SMG6: variants seen among roughly 807,000 people sequenced by gnomAD.
The protein encoded by SMG6 is SMG6 nonsense mediated mRNA decay factor.
Under a neutral mutation model 142.2 loss-of-function variants are expected in SMG6, and 66 were observed. That is an observed-to-expected ratio of 0.46 (90% confidence interval 0.38 to 0.57). SMG6 has a LOEUF of 0.57. SMG6 is among the 20% of genes least tolerant of loss of function. The pLI, the probability that SMG6 is intolerant of heterozygous loss-of-function variation, is 0.00. For missense variants in SMG6, 1,793 were observed against 1,832.0 expected (o/e 0.98, Z 0.39); for synonymous variants, 779 against 702.4 (o/e 1.11, Z -1.72).
chr17:2,278,750 A>T lies in SMG6; in HGVS notation c.2661+3897T>A, dbSNP rs143419980. On this transcript the variant is annotated intron_variant, in intron 8 of 18. Coordinates refer to ENST00000263073, the MANE Select transcript of SMG6 (RefSeq NM_017575.5). ...ATCATTACACATTCTGTGCACGTAT[A>T]AAAATATCACATGTAGCCCATAAAT... is the stretch of plus-strand genomic sequence containing the variant. Among the ~76,000 whole-genome samples, 531 of 152,298 alleles carry T rather than the reference A, an allele frequency of 3.5e-3. 9 individuals are homozygous for T. The highest frequency in any genetic ancestry group is 0.012 in the East Asian group (62 of 5,188).
chr17:2,253,999 T>C (rs1446656211), intron 8 of SMG6, among the ~76,000 whole-genome samples: 1 of 152,172 alleles, frequency 6.6e-6, no homozygotes, highest in Non-Finnish European at 1.5e-5. Flanking sequence ...GATTTATGAA[T>C]CCCTATGCTG....
chr17:2,100,749 A>G (rs1388389830), intron 13 of SMG6, among the ~76,000 whole-genome samples: 1 of 151,906 alleles, frequency 6.6e-6, no homozygotes, highest in African/African-American at 2.4e-5. Flanking sequence ...GTCTCGCGAT[A>G]TTGAACAGGC....
intron 6 of SMG6, 75 bp downstream of exon 6, chr17:2,292,477 A>C: frequency 7.2e-7 from 1 of 1,390,756 alleles, no homozygotes; most frequent in Non-Finnish European, 1.0e-6. Context: ...AAGCTCCAGG[A>C]ACTGATATTA....
intron 8 of SMG6, among the ~76,000 whole-genome samples, chr17:2,269,972 TGA>T (rs1401021473): frequency 1.3e-5 from 2 of 151,994 alleles, no homozygotes; most frequent in Non-Finnish European, 2.9e-5. Flanking sequence ...GAGACTGCAG[TGA>T]GCTATGATGG....
intron 8 of SMG6, among the ~76,000 whole-genome samples, chr17:2,280,319 G>A (rs2074756459): frequency 1.3e-5 from 2 of 152,040 alleles, no homozygotes; most frequent in Admixed American, 6.5e-5. Flanking sequence ...CTGGAGTGCA[G>A]TGGCACGATC....
chr17:2,273,628 G>T (rs1449006347), intron 8 of SMG6, among the ~76,000 whole-genome samples: 1 of 152,040 alleles, frequency 6.6e-6, no homozygotes, highest in Non-Finnish European at 1.5e-5. Flanking sequence ...GTGAGACTTT[G>T]TCTCAAAAAC....
chr17:2,223,882 A>G (rs1044282760), intron 10 of SMG6, among the ~76,000 whole-genome samples: 1 of 152,160 alleles, frequency 6.6e-6, no homozygotes, highest in Non-Finnish European at 1.5e-5. Flanking sequence ...CCCTGGATGT[A>G]GGTGCCCAGT....
At chr17:2,213,488 T>C (rs1430900601) in intron 10 of SMG6, among the ~76,000 whole-genome samples, 1 of 152,164 alleles carries the variant, frequency 6.6e-6, no homozygotes, top group Non-Finnish European at 1.5e-5. Context: ...GCGAGTTTGC[T>C]GAGTTCCAGG....
chr17:2,193,046 C>G lies in SMG6; in HGVS notation c.2870-4531G>C, dbSNP rs568878734. On this transcript the variant is annotated intron_variant, in intron 10 of 18. Coordinates refer to ENST00000263073, the MANE Select transcript of SMG6 (RefSeq NM_017575.5). ...GTCATAACATTTCCCTAAACTGATACAGCCAAGTGACATGGTGGAATATTT... is the reference window on the plus strand; with the variant it reads ...GTCATAACATTTCCCTAAACTGATAGAGCCAAGTGACATGGTGGAATATTT... 4.1e-4 allele frequency among the ~76,000 whole-genome samples: 63 copies of G among 152,348 alleles called. 1 individual carries two copies. The South Asian group carries it at 0.013, about 32-fold the overall frequency.
At chr17:2,249,963 G>C (rs7213347) in intron 8 of SMG6, among the ~76,000 whole-genome samples, 92,499 of 152,034 alleles carry the variant, frequency 0.61, 29,650 homozygotes, top group Middle Eastern at 0.72. Flanking sequence ...AAATGTTTTG[G>C]ATTGTTCCTG....
Position 2,085,830 on chromosome 17 carries a change from C to T in SMG6, c.3429G>A (p.Glu1143=). ...YFLEALCGQE[E]PLLAFKGGKY... is the part of the protein sequence containing the mutation. ...TTCCACCCTTGAATGCCAGCAGAGGCTCTTCTTGTCCACAAAGGGCTTCCA... is the reference window on the plus strand; with the variant it reads ...TTCCACCCTTGAATGCCAGCAGAGGTTCTTCTTGTCCACAAAGGGCTTCCA... Residue 1143 remains glutamate, a synonymous_variant, in exon 14 of 19, where the codon GAG becomes GAA. Coordinates refer to ENST00000263073, the MANE Select transcript of SMG6 (RefSeq NM_017575.5). The surrounding 1 kb of genome is among the most constrained non-coding windows in gnomAD (Gnocchi z 4.1). The T allele has an allele frequency of 1.2e-6, 2 of 1,614,204 alleles. No homozygotes were observed. The highest frequency in any genetic ancestry group is 1.3e-5 in the African/African-American group (1 of 75,052).
At chr17:2,187,663 G>A (rs1209421153) in intron 11 of SMG6, among the ~76,000 whole-genome samples, 1 of 151,954 alleles carries the variant, frequency 6.6e-6, no homozygotes, top group Non-Finnish European at 1.5e-5. Flanking sequence ...TGAAGGGTAT[G>A]TAAGAGTTCT....
intron 10 of SMG6, among the ~76,000 whole-genome samples, chr17:2,214,907 A>C (rs1390974043): frequency 6.6e-6 from 1 of 152,166 alleles, no homozygotes; most frequent in Non-Finnish European, 1.5e-5. Context: ...ACTGAGGCAG[A>C]GGGGTCTGTG....
chr17:2,196,769 T>C (rs1350119372), intron 10 of SMG6, among the ~76,000 whole-genome samples: 3 of 152,206 alleles, frequency 2.0e-5, no homozygotes, highest in African/African-American at 7.2e-5. Flanking sequence ...TGGTGGTTCA[T>C]GCCTATAATC....
At chr17:2,078,380 A>AC (rs960712587) in intron 15 of SMG6, among the ~76,000 whole-genome samples, 38 of 150,558 alleles carry the variant, frequency 2.5e-4, no homozygotes, top group Middle Eastern at 3.4e-3. Flanking sequence ...GTCACTGAAT[A>AC]CTTTTTTTTT....
intron 13 of SMG6, among the ~76,000 whole-genome samples, chr17:2,121,570 T>C (rs1350068795): frequency 6.7e-6 from 1 of 150,140 alleles, no homozygotes; most frequent in Admixed American, 6.7e-5. Context: ...CATATATGTA[T>C]ATATGTACAT....
In SMG6 at chr17:2,112,784, C is replaced by G. The variant is rs376518138; in HGVS notation, c.3358-26883G>C. ...TTTTTTTTTTTTTTTTTGAGACAGA[C>G]TCTCACTCCGCCACCCAGGCTAGAG... On this transcript the variant is annotated intron_variant, in intron 13 of 18. Coordinates refer to ENST00000263073, the MANE Select transcript of SMG6 (RefSeq NM_017575.5). 1.2e-4 allele frequency among the ~76,000 whole-genome samples: 17 copies of G among 137,356 alleles called. No homozygotes were observed. In the East Asian group the frequency reaches 1.5e-3, roughly 12 times the overall value. 90.1% of individuals were successfully genotyped at this position (137,356 alleles called of 152,430 possible).
At chr17:2,082,805 G>C (rs541717589) in intron 14 of SMG6, among the ~76,000 whole-genome samples, 1 of 152,336 alleles carries the variant, frequency 6.6e-6, no homozygotes, top group African/African-American at 2.4e-5. Flanking sequence ...GTTAGCATGG[G>C]TACACAGGGA....
chr17:2,181,195 C>T (rs970747744), intron 12 of SMG6, among the ~76,000 whole-genome samples: 37 of 152,332 alleles, frequency 2.4e-4, no homozygotes, highest in African/African-American at 8.4e-4. Flanking sequence ...AGTATTTACT[C>T]AGTGAGTATT....
Sources: allele counts gnomAD v4.1 joint callset (sites outside exome capture counted in the v4.1 genomes callset), GRCh38; gene constraint gnomAD v4.1.1; non-coding constraint Gnocchi (gnomAD v3.1); transcripts MANE v1.5; gene names NCBI Gene and HGNC (gene_info 2026-07-23, HGNC 2026-07-21).